The following CCNY variants were observed in gnomAD, a reference collection of about 807,000 sequenced individuals.
The protein encoded by CCNY is cyclin Y.
CCNY carries 19 observed loss-of-function variants against 42.8 expected under a neutral mutation model. That is an observed-to-expected ratio of 0.44 (90% CI 0.31 to 0.65). The LOEUF (loss-of-function observed/expected upper bound fraction) is 0.65. Among genes scored for constraint, CCNY ranks in the 30% least tolerant of loss-of-function variants. The probability of loss-of-function intolerance (pLI) is 0.07; values close to 1 mark genes in which losing one functional copy is unlikely to be tolerated. For missense variants in CCNY, 370 were observed against 437.3 expected (o/e 0.85, Z 1.37); for synonymous variants, 165 against 162.7 (o/e 1.01, Z -0.11).
intron 1 of CCNY, among the ~76,000 whole-genome samples, chr10:35,351,821 A>G (rs1219772084): frequency 6.6e-6 from 1 of 152,194 alleles, no homozygotes; most frequent in Non-Finnish European, 1.5e-5. Flanking sequence ...GAGTATTTAT[A>G]ATAAGCCTGA....
In CCNY at chr10:35,530,252, C is replaced by T. The variant is rs753664890; in HGVS notation, c.579+9C>T. ...GTGCCATCGTCACCCTGGTGAGTGC[C>T]CTCAGGATGGCCACACCCATCCCCA... On this transcript the variant is annotated intron_variant, in intron 7 of 9. Transcript: ENST00000374704. This position sits in a 1 kb window ranked among gnomAD's most constrained non-coding sequence, Gnocchi z 4.3. 6 of 1,613,964 alleles carry T rather than the reference C, an allele frequency of 3.7e-6. No homozygotes were observed. Among genetic ancestry groups the T allele is most frequent in the East Asian group, 2.2e-5 (1 of 44,890 alleles).
At chr10:35,523,582 C>T (rs1478014732) in intron 4 of CCNY, among the ~76,000 whole-genome samples, 1 of 152,270 alleles carries the variant, frequency 6.6e-6, no homozygotes, top group Middle Eastern at 3.4e-3. Flanking sequence ...TCTACTTTTC[C>T]TGGAGGTCTT....
At chr10:35,281,991 C>T (rs1835303108) in intron 3 of CCNY, among the ~76,000 whole-genome samples, 1 of 152,030 alleles carries the variant, frequency 6.6e-6, no homozygotes, top group South Asian at 2.1e-4. Flanking sequence ...GGCAGCAGCT[C>T]ACAAAGTTGT....
chr10:35,343,041 C>T (rs1013496195), intron 1 of CCNY, among the ~76,000 whole-genome samples: 4 of 147,798 alleles, frequency 2.7e-5, no homozygotes, highest in East Asian at 2.0e-4. Flanking sequence ...TTTACTCTCT[C>T]GCCCTGGCTG....
chr10:35,255,102 T>C (rs914037919), intron 3 of CCNY, among the ~76,000 whole-genome samples: 2 of 128,740 alleles, frequency 1.6e-5, no homozygotes, highest in African/African-American at 6.3e-5. Flanking sequence ...CTGTTCTATG[T>C]ATATAACTGT....
At chr10:35,437,737 T>C (rs1838570940) in intron 1 of CCNY, among the ~76,000 whole-genome samples, 1 of 152,182 alleles carries the variant, frequency 6.6e-6, no homozygotes, top group Non-Finnish European at 1.5e-5. Flanking sequence ...AGGTTTTTTT[T>C]CTAGAATTTT....
intron 7 of CCNY, among the ~76,000 whole-genome samples, chr10:35,551,629 TAAAC>T (rs1355444520): frequency 1.3e-5 from 2 of 152,200 alleles, no homozygotes; most frequent in Non-Finnish European, 2.9e-5. Flanking sequence ...CTATCAATAA[TAAAC>T]AGAGTTCTAC....
intron 2 of CCNY, among the ~76,000 whole-genome samples, chr10:35,484,990 A>G (rs139758572): frequency 1.5e-3 from 231 of 152,344 alleles, no homozygotes; most frequent in African/African-American, 5.5e-3. Context: ...CCTTTGCACT[A>G]GATATCATTC....
At chr10:35,398,173 A>T (rs928761792) in intron 1 of CCNY, among the ~76,000 whole-genome samples, 5 of 152,190 alleles carry the variant, frequency 3.3e-5, no homozygotes, top group African/African-American at 9.6e-5. Context: ...CGTCTGCTGC[A>T]TGAGAGCCAC....
At chr10:35,312,855 C>T (rs993023817) in intron 3 of CCNY, among the ~76,000 whole-genome samples, 2 of 150,838 alleles carry the variant, frequency 1.3e-5, no homozygotes, top group African/African-American at 2.4e-5. Context: ...AGGCTCAAGC[C>T]GTCCTCCTGC....
chr10:35,255,325 C>CTT (rs71033387), intron 3 of CCNY, among the ~76,000 whole-genome samples: 17,128 of 140,376 alleles, frequency 0.12, 1,153 homozygotes, highest in Middle Eastern at 0.16. Context: ...TAATTTTTTT[C>CTT]TTTTTTTTTT....
intron 3 of CCNY, among the ~76,000 whole-genome samples, chr10:35,512,054 A>T (rs1044664434): frequency 2.0e-5 from 3 of 152,230 alleles, no homozygotes; most frequent in Non-Finnish European, 4.4e-5. Flanking sequence ...CATATACCAG[A>T]TAGTGGCTAG....
chr10:35,400,450 C>G (rs1837618984), intron 1 of CCNY, among the ~76,000 whole-genome samples: 1 of 152,094 alleles, frequency 6.6e-6, no homozygotes, highest in African/African-American at 2.4e-5. Flanking sequence ...TGGAATGGAG[C>G]CTTGTAATTG....
intron 3 of CCNY, among the ~76,000 whole-genome samples, chr10:35,256,491 T>G (rs1319939604): frequency 6.6e-6 from 1 of 152,068 alleles, no homozygotes; most frequent in African/African-American, 2.4e-5. Context: ...TCCAGCACTC[T>G]GGGGGGTCAA....
intron 1 of CCNY, among the ~76,000 whole-genome samples, chr10:35,459,693 C>G (rs1839115340): frequency 6.6e-6 from 1 of 152,164 alleles, no homozygotes. Flanking sequence ...GCGGGTTCCA[C>G]CTCCTCCACC....
intron 7 of CCNY, among the ~76,000 whole-genome samples, chr10:35,534,464 G>T (rs1462394923): frequency 6.6e-6 from 1 of 152,172 alleles, no homozygotes; most frequent in African/African-American, 2.4e-5. Context: ...AGAGGAAGTT[G>T]GTGATTGATG....
chr10:35,259,436 G>T (rs1254819818), intron 3 of CCNY, among the ~76,000 whole-genome samples: 1 of 150,204 alleles, frequency 6.7e-6, no homozygotes, highest in Non-Finnish European at 1.5e-5. Context: ...GAACTCCTGG[G>T]CTCAAGCTTC....
At chr10:35,335,678 T>C (rs1217608970), upstream of CCNY, among the ~76,000 whole-genome samples, 1 of 151,850 alleles carries the variant, frequency 6.6e-6, no homozygotes, top group South Asian at 2.1e-4. Flanking sequence ...CGAAGCGAGA[T>C]CCCATCTCTA....
Position 35,426,791 on chromosome 10 carries a change from T to C in CCNY, c.155-56613T>C, listed in dbSNP as rs116168895. Among the ~76,000 whole-genome samples, 1,070 of 152,362 alleles carry C rather than the reference T, an allele frequency of 7.0e-3. 11 individuals carry two copies. The highest frequency in any genetic ancestry group is 0.025 in the African/African-American group (1,021 of 41,586). On this transcript the variant is annotated intron_variant, in intron 1 of 9. Transcript: ENST00000374704. ...ACCCTTCCCCACTGTTGCAGTATTC[T>C]GAATTAGCAAATCTGCATAGGCCAA...
Sources: allele counts gnomAD v4.1 joint callset (sites outside exome capture counted in the v4.1 genomes callset), GRCh38; gene constraint gnomAD v4.1.1; non-coding constraint Gnocchi (gnomAD v3.1); transcripts MANE v1.5; gene names NCBI Gene and HGNC (gene_info 2026-07-23, HGNC 2026-07-21).